PWP1: variants seen among roughly 807,000 people sequenced by gnomAD.
The protein encoded by PWP1 is PWP1 homolog, endonuclein.
PWP1 carries 47 observed loss-of-function variants against 69.9 expected under a neutral mutation model. That is an observed-to-expected ratio of 0.67 (90% CI 0.53 to 0.86). PWP1 has a LOEUF of 0.86. Ranked by LOEUF, PWP1 falls within the 40% of genes least tolerant of loss-of-function variation. PWP1 has a pLI of 0.00. For missense variants in PWP1, 551 were observed against 608.8 expected, an observed-to-expected ratio of 0.91 and a Z score of 1.00; for synonymous variants, 222 against 208.2, an observed-to-expected ratio of 1.07 and a Z score of -0.57.
intron 7 of PWP1, among the ~76,000 whole-genome samples, chr12:107,698,338 C>T (rs868472754): frequency 6.6e-6 from 1 of 151,974 alleles, no homozygotes; most frequent in East Asian, 1.9e-4. Flanking sequence ...GCCTGTGTGA[C>T]AGAGCGAGAC....
chr12:107,702,170 G>A (rs1476288759), intron 8 of PWP1, among the ~76,000 whole-genome samples: 2 of 152,064 alleles, frequency 1.3e-5, no homozygotes, highest in African/African-American at 4.8e-5. Flanking sequence ...ATATGAACTT[G>A]CCAACTTTGT....
intron 7 of PWP1, among the ~76,000 whole-genome samples, chr12:107,698,805 C>T (rs1889644862): frequency 6.6e-6 from 1 of 152,130 alleles, no homozygotes; most frequent in Admixed American, 6.6e-5. Flanking sequence ...GTTGCCTGGG[C>T]TGGTCTCGAA....
At chr12:107,709,669 T>G (rs145045729) in intron 13 of PWP1, among the ~76,000 whole-genome samples, 1 of 152,278 alleles carries the variant, frequency 6.6e-6, no homozygotes, top group Non-Finnish European at 1.5e-5. Context: ...AGGAAAAATT[T>G]AGAAATAACC....
intron 7 of PWP1, 28 bp from the exon 8 acceptor site, chr12:107,699,345 C>CA: frequency 2.5e-6 from 4 of 1,571,728 alleles, no homozygotes; most frequent in Admixed American, 1.7e-5. Flanking sequence ...GACTTTAATA[C>CA]AAAAAATAAT....
chr12:107,699,660 GT>G (rs1220052061), intron 8 of PWP1, among the ~76,000 whole-genome samples: 1 of 152,182 alleles, frequency 6.6e-6, no homozygotes, highest in Non-Finnish European at 1.5e-5. Context: ...TGGTGACCAA[GT>G]GCCCTCTCTC....
chr12:107,695,237 G>C (rs1416608234), intron 5 of PWP1, among the ~76,000 whole-genome samples: 1 of 151,858 alleles, frequency 6.6e-6, no homozygotes, highest in African/African-American at 2.4e-5. Flanking sequence ...CTGCACTCCA[G>C]CCTGGGCGAC....
Position 107,692,839 on chromosome 12 carries a change from C to G in PWP1, c.345C>G (p.Leu115=), listed in dbSNP as rs776614694. ...ATGCTGAGACTCTTGGTGAATCTCT[C>G]TTGGGTCTTACGGTCTACGGGAGTA... The part of the protein sequence containing the change: ...DPDAETLGES[L]LGLTVYGSND... Residue 115 remains leucine (L), a synonymous_variant, in exon 4 of 15, where the codon CTC becomes CTG. Coordinates refer to ENST00000412830, the MANE Select transcript of PWP1 (RefSeq NM_007062.3). 1 of 1,613,658 alleles carries G rather than the reference C, an allele frequency of 6.2e-7. No homozygotes were observed. Among genetic ancestry groups the G allele is most frequent in the African/African-American group, 1.3e-5 (1 of 74,910 alleles).
At position 107,692,732 on chromosome 12, in the gene PWP1, AGTCCAAGAATGGAT is replaced by A. The variant is rs1418393908; in HGVS notation, c.320-78_320-65del. The A allele has an allele frequency of 1.3e-4, 155 of 1,177,722 alleles. No homozygotes were observed. The East Asian group carries it at 3.7e-3, about 28-fold the overall frequency. 73.0% of individuals were successfully genotyped at this position (1,177,722 alleles called of 1,614,324 possible). The stretch of plus-strand genomic sequence containing the variant: ...GTTATAAAATAGATGATTGCATCTA[AGTCCAAGAATGGAT>A]GTCATAGGAAATATGTTTTTGTCAA... On this transcript the variant is annotated intron_variant, in intron 3 of 14. Coordinates refer to ENST00000412830, the MANE Select transcript of PWP1 (RefSeq NM_007062.3).
intron 1 of PWP1, among the ~76,000 whole-genome samples, chr12:107,686,394 G>A (rs939598180): frequency 6.6e-6 from 1 of 152,230 alleles, no homozygotes; most frequent in African/African-American, 2.4e-5. Context: ...CTCCGTGTCT[G>A]AAGGAGTGAG....
chr12:107,696,427 G>A lies in PWP1; in HGVS notation c.503-47G>A, dbSNP rs766725036. 5.0e-6 allele frequency: 8 copies of A among 1,591,114 alleles called. No homozygotes were observed. In the Admixed American group the frequency reaches 7.2e-5, roughly 14 times the overall value. On this transcript the variant is annotated intron_variant, in intron 5 of 14. Coordinates refer to ENST00000412830, the MANE Select transcript of PWP1 (RefSeq NM_007062.3). Reference sequence around the variant, plus strand: ...TTTTTTTGAGCGGGATGTGATTTTTGATGACTCATTCTGATACATTAAAGT... The same window carrying A: ...TTTTTTTGAGCGGGATGTGATTTTTAATGACTCATTCTGATACATTAAAGT...
In PWP1 at chr12:107,709,998, T is replaced by C. The variant is rs1566083787; in HGVS notation, c.1291-407T>C. Among the ~76,000 whole-genome samples, 3 of 152,188 alleles carry C rather than the reference T, an allele frequency of 2.0e-5. No homozygotes were observed. The South Asian group carries it at 6.2e-4, about 32-fold the overall frequency. On this transcript the variant is annotated intron_variant, in intron 13 of 14. Transcript: ENST00000412830. ...TTTTCTATAACAAATATATATTACC[T>C]ATTAATAAAAATGTAAAAAAGAAAA... is the stretch of plus-strand genomic sequence containing the variant.
In PWP1 at chr12:107,688,738, G is replaced by T; in HGVS notation, c.255G>T (p.Arg85Ser). The change falls in exon 3 of 15, where the codon AGG (arginine) becomes AGT (serine). Residue 85 changes from arginine to serine, a missense_variant. Transcript: ENST00000412830. ...AGGATGGTGACCCAGAGGATGACAG[G>T]ACGCTTGATGATGATGAGCTGGCTG... ...PLEDGDPEDD[R>S]TLDDDELAEY... 1 of 1,614,206 alleles carries T rather than the reference G, an allele frequency of 6.2e-7. No individual in the cohort carries two copies. The highest frequency in any genetic ancestry group is 8.5e-7 in the Non-Finnish European group (1 of 1,180,030).
rs144651706 is a variant in PWP1, at chr12:107,694,294, G to T, written c.502+1198G>T. ...TACTCTCCTCCCCCAGCAGTCTTCA[G>T]ATCGTCTTGAAACTTTGAAGATTCG... On this transcript the variant is annotated intron_variant, in intron 5 of 14. Transcript: ENST00000412830. Among the ~76,000 whole-genome samples the T allele has an allele frequency of 3.8e-4, 58 of 152,316 alleles. No homozygotes were observed. In the East Asian group the frequency reaches 8.1e-3, roughly 21 times the overall value.
intron 8 of PWP1, among the ~76,000 whole-genome samples, chr12:107,701,314 T>A (rs1435166959): frequency 6.6e-6 from 1 of 151,964 alleles, no homozygotes; most frequent in Non-Finnish European, 1.5e-5. Flanking sequence ...GTTTTTTGTG[T>A]TTGATGTTGA....
In PWP1 at chr12:107,696,521, T is replaced by C. The variant is rs1366786794; in HGVS notation, c.550T>C (p.Leu184=). 1 of 1,614,042 alleles carries C rather than the reference T, an allele frequency of 6.2e-7. No homozygotes were observed. Among genetic ancestry groups the C allele is most frequent in the Non-Finnish European group, 8.5e-7 (1 of 1,180,018 alleles). The change falls in exon 6 of 15, where the codon TTG becomes CTG. Residue 184 remains leucine (L), a synonymous_variant. Transcript: ENST00000412830. ...TTTTTATGTACACCATGATATACTC[T>C]TGTCTGCATATCCTCTGAGTGTGGA... ...DSFYVHHDIL[L]SAYPLSVEWL...
intron 13 of PWP1, among the ~76,000 whole-genome samples, chr12:107,709,614 T>C (rs1377292848): frequency 6.6e-6 from 1 of 152,002 alleles, no homozygotes; most frequent in Non-Finnish European, 1.5e-5. Flanking sequence ...CTTTATCTCT[T>C]TGCATAACTA....
intron 8 of PWP1, 36 bp downstream of exon 8, chr12:107,699,470 C>T (rs1251953561): frequency 5.2e-6 from 8 of 1,544,124 alleles, no homozygotes; most frequent in Non-Finnish European, 7.2e-6. Context: ...TTGTAAAAGA[C>T]TGTAGCCATT....
chr12:107,702,913 A>G (rs1319176145), intron 8 of PWP1, 22 bp from the exon 9 acceptor site: 1 of 1,469,288 alleles, frequency 6.8e-7, no homozygotes, highest in South Asian at 1.1e-5. Flanking sequence ...AGATTACCTG[A>G]TTGGATTCTT....
At chr12:107,698,110 C>G (rs1161283264) in intron 7 of PWP1, among the ~76,000 whole-genome samples, 1 of 152,168 alleles carries the variant, frequency 6.6e-6, no homozygotes, top group Non-Finnish European at 1.5e-5. Context: ...TCCTGTAATC[C>G]CAGCAGTTTA....
Sources: allele counts gnomAD v4.1 joint callset (sites outside exome capture counted in the v4.1 genomes callset), GRCh38; gene constraint gnomAD v4.1.1; transcripts MANE v1.5; gene names NCBI Gene and HGNC (gene_info 2026-07-23, HGNC 2026-07-21).